The following SOD2 variants were observed in gnomAD, a reference collection of about 807,000 sequenced individuals.
The protein encoded by SOD2 is superoxide dismutase [Mn], mitochondrial.
SOD2 carries 11 observed loss-of-function variants against 27.0 expected under a neutral mutation model. That is an observed-to-expected ratio of 0.41 (90% CI 0.26 to 0.67). SOD2 has a LOEUF of 0.67. Among genes scored for constraint, SOD2 ranks in the 30% least tolerant of loss-of-function variants. The pLI is 0.34. For synonymous variants in SOD2, 105 were observed against 103.0 expected (o/e 1.02, Z -0.12); for missense variants, 250 against 274.5 (o/e 0.91, Z 0.63).
upstream of SOD2, among the ~76,000 whole-genome samples, chr6:159,695,061 T>A (rs1583025179): frequency 6.6e-6 from 1 of 151,948 alleles, no homozygotes; most frequent in Non-Finnish European, 1.5e-5. Context: ...TGCAGGCTAG[T>A]TAGGAAGCTG....
chr6:159,728,431 A>AAAC (rs1331715283), upstream of SOD2, among the ~76,000 whole-genome samples: 4 of 90,822 alleles, frequency 4.4e-5, no homozygotes, highest in Admixed American at 2.1e-4. Context: ...AAAACAAAAC[A>AAAC]AAAAAACTAT....
chr6:159,703,458 T>G (rs1777564091), intron 1 of SOD2, among the ~76,000 whole-genome samples: 1 of 151,904 alleles, frequency 6.6e-6, no homozygotes, highest in Non-Finnish European at 1.5e-5. Context: ...ACAATACTTC[T>G]AAATGGAAAT....
chr6:159,724,922 A>G (rs966865154), intron 1 of SOD2, among the ~76,000 whole-genome samples: 3 of 147,568 alleles, frequency 2.0e-5, no homozygotes, highest in Admixed American at 6.7e-5. Context: ...GAGGGAGGGA[A>G]GAAGGGAGGG....
intron 1 of SOD2, among the ~76,000 whole-genome samples, chr6:159,705,058 G>T (rs1332883331): frequency 6.6e-6 from 1 of 152,212 alleles, no homozygotes; most frequent in African/African-American, 2.4e-5. Context: ...ACCTGCAGCT[G>T]AGGGTCCTGT....
intron 3 of SOD2, 75 bp from the exon 4 acceptor site, chr6:159,685,108 G>T: frequency 1.0e-6 from 1 of 1,003,636 alleles, no homozygotes; most frequent in Non-Finnish European, 1.3e-6. Flanking sequence ...TATATTACAT[G>T]TATTAAAATA....
At chr6:159,755,749 G>GTTTTTTTTTTATTTTTTTTTTTTTTTGTT (rs1402868444) in intron 1 of SOD2, 1 of 300,296 alleles carries the variant, frequency 3.3e-6, no homozygotes, top group Non-Finnish European at 4.3e-6. Flanking sequence ...TTTTTTCTTT[G>GTTTTTTTTTTATTTTTTTTTTTTTTTGTT]TTTTTTTTTT....
Position 159,684,890 on chromosome 6 carries a change from C to G in SOD2, c.487G>C (p.Ala163Pro), listed in dbSNP as rs1780111867. 1 of 1,612,820 alleles carries G rather than the reference C, an allele frequency of 6.2e-7. No homozygotes were observed. Among genetic ancestry groups the G allele is most frequent in the Non-Finnish European group, 8.5e-7 (1 of 1,179,444 alleles). ...TGCAGTGGATCCTGATTTGGACAAGCAGCAATTTGTAAGTGTCCCCGTTCC... is the reference window on the plus strand; with the variant it reads ...TGCAGTGGATCCTGATTTGGACAAGGAGCAATTTGTAAGTGTCCCCGTTCC... ...NKERGHLQIA[A>P]CPNQDPLQGT... Residue 163 changes from alanine (A) to proline (P), a missense_variant, in exon 4 of 5, where the codon GCT becomes CCT. Ala to Pro is a conservative substitution (Grantham distance 27, BLOSUM62 -1). Transcript: ENST00000538183.
At chr6:159,749,180 G>A (rs1291831756), upstream of SOD2, 5 of 985,696 alleles carry the variant, frequency 5.1e-6, no homozygotes, top group Non-Finnish European at 6.0e-6. Context: ...TCAAACTTCA[G>A]GTTGAAACTG....
At chr6:159,713,414 A>T in intron 1 of SOD2, 1 of 653,466 alleles carries the variant, frequency 1.5e-6, no homozygotes, top group East Asian at 2.6e-5. Context: ...GAGGGATCAT[A>T]GTAGGTATGA....
chr6:159,708,273 A>T (rs1364860478), intron 1 of SOD2, among the ~76,000 whole-genome samples: 2 of 152,258 alleles, frequency 1.3e-5, no homozygotes, highest in African/African-American at 4.8e-5. Flanking sequence ...GGCCAGGGCC[A>T]TCAGGCAGGA....
intron 2 of SOD2, among the ~76,000 whole-genome samples, chr6:159,690,516 G>A (rs1780410469): frequency 6.6e-6 from 1 of 152,054 alleles, no homozygotes; most frequent in Admixed American, 6.6e-5. Context: ...CAGTTGTTTA[G>A]CGATTCAGAA....
chr6:159,750,771 T>G (rs1489584847), intron 1 of SOD2, among the ~76,000 whole-genome samples: 11 of 152,402 alleles, frequency 7.2e-5, no homozygotes, highest in African/African-American at 2.6e-4. Context: ...TTCTATAAAA[T>G]TGGCTGTAAG....
At chr6:159,722,806 A>G (rs921919940) in intron 1 of SOD2, among the ~76,000 whole-genome samples, 1 of 152,244 alleles carries the variant, frequency 6.6e-6, no homozygotes. Flanking sequence ...ACCTGCTATC[A>G]ACCAGACTTG....
At chr6:159,712,231 T>C (rs1205868505) in intron 1 of SOD2, among the ~76,000 whole-genome samples, 37 of 118,102 alleles carry the variant, frequency 3.1e-4, no homozygotes, top group African/African-American at 6.7e-4. Flanking sequence ...TAACCACCAC[T>C]CACATTGCTC....
At chr6:159,725,412 C>T (rs376874400) in intron 1 of SOD2, among the ~76,000 whole-genome samples, 67 of 147,300 alleles carry the variant, frequency 4.5e-4, no homozygotes, top group African/African-American at 1.6e-3. Flanking sequence ...ACCCAGGAGA[C>T]AGAGGTTGCA....
chr6:159,710,757 ACTGCTCTGACCTCCATAACCACCACTCAG>A (rs1293432124), intron 1 of SOD2, among the ~76,000 whole-genome samples: 65 of 139,948 alleles, frequency 4.6e-4, no homozygotes, highest in Non-Finnish European at 5.7e-4. Context: ...CACCACTCAT[ACTGCTCTGACCTCCATAACCACCACTCAG>A]CTGCTCTGAC....
chr6:159,709,840 C>G (rs1777697069), intron 1 of SOD2, among the ~76,000 whole-genome samples: 1 of 152,088 alleles, frequency 6.6e-6, no homozygotes, highest in Admixed American at 6.6e-5. Context: ...CGGCACTACT[C>G]ACAATAGCAA....
intron 1 of SOD2, among the ~76,000 whole-genome samples, chr6:159,725,139 G>A (rs1778126408): frequency 6.6e-6 from 1 of 152,090 alleles, no homozygotes; most frequent in Non-Finnish European, 1.5e-5. Context: ...TATAAGGAAA[G>A]ACTACACTAT....
intron 1 of SOD2, chr6:159,736,340 T>C (rs1778912363): frequency 6.7e-7 from 1 of 1,485,634 alleles, no homozygotes; most frequent in South Asian, 1.2e-5. Flanking sequence ...TTTGGGTTTT[T>C]TGGGGGCTTT....
Sources: gnomAD v4.1 joint callset for allele counts (sites outside exome capture counted in the v4.1 genomes callset) on GRCh38, gnomAD v4.1.1 for gene constraint, MANE v1.5 for transcripts, NCBI Gene and HGNC (gene_info 2026-07-23, HGNC 2026-07-21) for gene names.